Variants in SAMSN1 observed in about 807,000 individuals in gnomAD.
SAMSN1 encodes SAM domain, SH3 domain and nuclear localization signals 1.
In SAMSN1, 31 loss-of-function variants were observed where a neutral mutation model predicts 42.0. That is an observed-to-expected ratio of 0.74 (90% CI 0.55 to 1.00). SAMSN1 has a LOEUF of 1.00. Among genes scored for constraint, SAMSN1 ranks in the 50% least tolerant of loss-of-function variants. The pLI is 0.00. For synonymous variants in SAMSN1, 178 were observed against 151.9 expected, an observed-to-expected ratio of 1.17 and a Z score of -1.26; for missense variants, 464 against 439.4, an observed-to-expected ratio of 1.06 and a Z score of -0.50.
chr21:14,573,195 C>T (rs1981355846), intron 2 of SAMSN1, among the ~76,000 whole-genome samples: 1 of 152,116 alleles, frequency 6.6e-6, no homozygotes, highest in South Asian at 2.1e-4. Flanking sequence ...ATGTCTCTCT[C>T]CAACCAAGCA....
chr21:14,647,118 T>C (rs142764297), intron 1 of SAMSN1, among the ~76,000 whole-genome samples: 2 of 152,232 alleles, frequency 1.3e-5, no homozygotes, highest in East Asian at 1.9e-4. Context: ...TCAAAAGACA[T>C]AGACTGGCTG....
intron 1 of SAMSN1, among the ~76,000 whole-genome samples, chr21:14,544,419 A>G (rs1980254745): frequency 6.6e-6 from 1 of 152,220 alleles, no homozygotes; most frequent in African/African-American, 2.4e-5. Flanking sequence ...AATTATGAGG[A>G]AAGGAGTTAT....
chr21:14,554,178 T>A (rs1600927043), intron 2 of SAMSN1, among the ~76,000 whole-genome samples: 1 of 152,308 alleles, frequency 6.6e-6, no homozygotes, highest in Admixed American at 6.5e-5. Context: ...TAACATTCTG[T>A]TCTTAAGTTT....
chr21:14,612,605 C>A, intron 4 of SAMSN1: 2 of 533,762 alleles, frequency 3.7e-6, no homozygotes, highest in South Asian at 3.1e-5. Context: ...ACATGGAGAG[C>A]TGGAAGATGA....
intron 2 of SAMSN1, among the ~76,000 whole-genome samples, chr21:14,563,008 A>G (rs1454459568): frequency 6.6e-6 from 1 of 152,186 alleles, no homozygotes; most frequent in Non-Finnish European, 1.5e-5. Flanking sequence ...TTCTTATTAT[A>G]AATGCAGAAA....
intron 2 of SAMSN1, among the ~76,000 whole-genome samples, chr21:14,640,303 T>C (rs376109126): frequency 6.6e-6 from 1 of 152,176 alleles, no homozygotes. Context: ...CCGTAACAAA[T>C]AGTTGTATTG....
upstream of SAMSN1, among the ~76,000 whole-genome samples, chr21:14,547,328 C>T (rs554119253): frequency 5.9e-5 from 9 of 152,258 alleles, no homozygotes; most frequent in South Asian, 1.9e-3. Flanking sequence ...TCAACGGTTT[C>T]TTCAAATAAA....
At chr21:14,562,704 T>C (rs575759228) in intron 2 of SAMSN1, among the ~76,000 whole-genome samples, 4 of 152,204 alleles carry the variant, frequency 2.6e-5, no homozygotes, top group Middle Eastern at 3.4e-3. Flanking sequence ...TTTTTCTTGA[T>C]CTTTATCCTA....
chr21:14,627,661 G>A lies in SAMSN1; in HGVS notation c.157-11645C>T, dbSNP rs916588603. On this transcript the variant is annotated intron_variant, in intron 2 of 15. Coordinates refer to the SAMSN1 transcript ENST00000647101. ...TTTTGTGAGGAAAGAGATCCCCCTA[G>A]TAGCAGTGAGCATTGTCATGCACAG... 2.0e-5 allele frequency among the ~76,000 whole-genome samples: 3 copies of A among 152,256 alleles called. No individual in the cohort carries two copies. In the South Asian group the frequency reaches 6.2e-4, roughly 32 times the overall value.
intron 2 of SAMSN1, among the ~76,000 whole-genome samples, chr21:14,631,559 G>T (rs943250215): frequency 1.3e-5 from 2 of 152,106 alleles, no homozygotes; most frequent in Admixed American, 6.6e-5. Context: ...ATAGAGACAG[G>T]GTTCACCATA....
intron 2 of SAMSN1, among the ~76,000 whole-genome samples, chr21:14,554,704 T>C (rs1013051295): frequency 1.1e-4 from 17 of 150,240 alleles, no homozygotes; most frequent in South Asian, 4.2e-4. Flanking sequence ...TTTTCTTTTT[T>C]TTTTTTTTTT....
rs1205764216 is a variant in SAMSN1 at position 14,577,275 on chromosome 21, TATATATATA to T, written c.261+4852_261+4860del. Among the ~76,000 whole-genome samples the T allele has an allele frequency of 1.3e-3, 71 of 54,156 alleles. 4 individuals are homozygous for T. The East Asian group carries it at 0.014, about 10-fold the overall frequency. 35.5% of individuals were successfully genotyped at this position (54,156 alleles called of 152,430 possible). A position where few individuals can be genotyped will look rare whatever the true frequency, so the allele number is the denominator to read the frequency against. On this transcript the variant is annotated intron_variant, in intron 2 of 8. Coordinates refer to the SAMSN1 transcript ENST00000285670. The stretch of plus-strand genomic sequence containing the variant: ...ATATATATATATATATATATATATA[TATATATATA>T]TTTTTTTTTTAGAAGAGACAGGGTT...
intron 1 of SAMSN1, among the ~76,000 whole-genome samples, chr21:14,656,049 T>G (rs59527570): frequency 2.7e-3 from 413 of 151,828 alleles, no homozygotes; most frequent in African/African-American, 9.2e-3. Context: ...TTACAAAATA[T>G]TATTGAAGGC....
intron 1 of SAMSN1, among the ~76,000 whole-genome samples, chr21:14,542,787 A>T (rs769989044): frequency 1.3e-5 from 2 of 152,102 alleles, no homozygotes. Flanking sequence ...TCTATAAAAA[A>T]TTAAAAATTA....
At chr21:14,562,239 T>A (rs1165131894) in intron 2 of SAMSN1, among the ~76,000 whole-genome samples, 1 of 152,212 alleles carries the variant, frequency 6.6e-6, no homozygotes, top group Admixed American at 6.5e-5. Flanking sequence ...GGAGTAGAGA[T>A]GGGAAATAGA....
chr21:14,569,874 G>A (rs543671221), intron 2 of SAMSN1, among the ~76,000 whole-genome samples: 62 of 152,080 alleles, frequency 4.1e-4, no homozygotes, highest in African/African-American at 1.5e-3. Flanking sequence ...CAAAAACAAC[G>A]AATCTAAATT....
intron 2 of SAMSN1, among the ~76,000 whole-genome samples, chr21:14,580,487 C>T (rs576419384): frequency 1.1e-4 from 17 of 152,214 alleles, no homozygotes; most frequent in African/African-American, 3.1e-4. Context: ...ATCAGAAGCA[C>T]GTCCTAATTA....
chr21:14,533,114 C>T (rs1600904233), intron 1 of SAMSN1, among the ~76,000 whole-genome samples: 1 of 151,952 alleles, frequency 6.6e-6, no homozygotes, highest in African/African-American at 2.4e-5. Context: ...GAGACAAAGT[C>T]TCACTATGTT....
At position 14,617,612 on chromosome 21, in the gene SAMSN1, G is replaced by A. The variant is rs145023682; in HGVS notation, c.157-1596C>T. ...TCATCCTGAGTCTCATTAGTTTGTC[G>A]TATGGGTTTAGGTAAATCTCTTGGG... On this transcript the variant is annotated intron_variant, in intron 2 of 15. Coordinates refer to the SAMSN1 transcript ENST00000647101. 2.4e-3 allele frequency among the ~76,000 whole-genome samples: 364 copies of A among 152,244 alleles called. 2 individuals carry two copies. Among genetic ancestry groups the A allele is most frequent in the African/African-American group, 2.4e-3 (98 of 41,528 alleles).
Sources: allele counts gnomAD v4.1 joint callset (sites outside exome capture counted in the v4.1 genomes callset), GRCh38; gene constraint gnomAD v4.1.1; transcripts MANE v1.5; gene names NCBI Gene and HGNC (gene_info 2026-07-23, HGNC 2026-07-21).